The following DET1 variants were observed in gnomAD, a reference collection of about 807,000 sequenced individuals.
The protein encoded by DET1 is DET1 partner of COP1 E3 ubiquitin ligase.
Under a neutral mutation model 43.7 loss-of-function variants are expected in DET1, and 22 were observed. That is an observed-to-expected ratio of 0.50 (90% confidence interval 0.36 to 0.72). The LOEUF is 0.72. DET1 is among the 30% of genes least tolerant of loss of function. The pLI is 0.00. For synonymous variants in DET1, 315 were observed against 266.2 expected (o/e 1.18, Z -1.79); for missense variants, 713 against 713.3 (o/e 1.00, Z 0.00).
rs2056233528 is a variant in DET1 at position 88,512,994 on chromosome 15, GC to G, written c.1609del (p.Ala537LeufsTer45). ...CATATGGAAGTTGACAACATACTCAGCATTAGTCCTCTGCACAGAAATAGCG... is the reference window on the plus strand; with the variant it reads ...CATATGGAAGTTGACAACATACTCAGATTAGTCCTCTGCACAGAAATAGCG... The part of the protein sequence containing the change: ...PFAISVQRTN[A>X]EYVVNFHMRH... On this transcript the variant is annotated frameshift_variant, in exon 5 of 5. Coordinates refer to ENST00000268148, the MANE Select transcript of DET1 (RefSeq NM_001144074.3). LOFTEE classifies it high-confidence loss of function. 6.2e-7 allele frequency: 1 copy of G among 1,613,948 alleles called. No individual in the cohort carries two copies. Among genetic ancestry groups the G allele is most frequent in the African/African-American group, 1.3e-5 (1 of 74,950 alleles).
intron 3 of DET1, among the ~76,000 whole-genome samples, chr15:88,526,642 G>A (rs1252874096): frequency 6.6e-6 from 1 of 152,138 alleles, no homozygotes. Context: ...TCTGGGAAGG[G>A]GGATAGGACT....
At chr15:88,526,915 AC>A (rs1301256353) in intron 3 of DET1, among the ~76,000 whole-genome samples, 1 of 152,126 alleles carries the variant, frequency 6.6e-6, no homozygotes, top group Non-Finnish European at 1.5e-5. Context: ...CCTCACAGAT[AC>A]CTTCAGAAGT....
At chr15:88,536,937 T>C (rs2056968547) in intron 1 of DET1, among the ~76,000 whole-genome samples, 1 of 152,092 alleles carries the variant, frequency 6.6e-6, no homozygotes, top group South Asian at 2.1e-4. Context: ...AGAAAAAGAC[T>C]GGAAAGCAGG....
chr15:88,522,951 G>A (rs1163881413), intron 3 of DET1, among the ~76,000 whole-genome samples: 6 of 149,716 alleles, frequency 4.0e-5, no homozygotes, highest in Non-Finnish European at 5.9e-5. Context: ...GCTTGATCTC[G>A]GTTCACTGCA....
chr15:88,532,771 C>T (rs1417437694), intron 1 of DET1, among the ~76,000 whole-genome samples: 1 of 152,138 alleles, frequency 6.6e-6, no homozygotes, highest in East Asian at 1.9e-4. Context: ...CTATCTTACA[C>T]CCTATACAAA....
chr15:88,532,716 G>T (rs62023274), intron 1 of DET1, among the ~76,000 whole-genome samples: 23,336 of 152,194 alleles, frequency 0.15, 1,890 homozygotes, highest in South Asian at 0.28. Context: ...AACAAATGGT[G>T]TTGGGAAAAC....
Position 88,517,109 on chromosome 15 carries a change from A to G in DET1, c.1272-136T>C, listed in dbSNP as rs8023750. 189 of 646,662 alleles carry G rather than the reference A, an allele frequency of 2.9e-4. No homozygotes were observed. The African/African-American group carries it at 3.3e-3, about 11-fold the overall frequency. The allele number at this position is 646,662 out of a possible 1,614,324, so 40.1% of individuals were successfully genotyped here. On this transcript the variant is annotated intron_variant, in intron 3 of 4. Transcript: ENST00000268148. ...TAAAACCTAGGTAATGAATTAAGAT[A>G]GAACTGTCTCTCACACATTACAAGT...
At chr15:88,533,859 A>AAAAAAAG (rs2056880420) in intron 1 of DET1, among the ~76,000 whole-genome samples, 1 of 138,042 alleles carries the variant, frequency 7.2e-6, no homozygotes, top group Admixed American at 6.9e-5. Context: ...CTCTAAAAAA[A>AAAAAAAG]AAAAAAAAAA....
At chr15:88,533,012 T>A (rs576822538) in intron 1 of DET1, among the ~76,000 whole-genome samples, 16 of 152,278 alleles carry the variant, frequency 1.1e-4, no homozygotes, top group African/African-American at 3.9e-4. Context: ...TTCTACAGAA[T>A]GGAAGAAAAT....
chr15:88,539,631 G>T (rs955555235), intron 1 of DET1, among the ~76,000 whole-genome samples: 1 of 152,154 alleles, frequency 6.6e-6, no homozygotes, highest in Non-Finnish European at 1.5e-5. Context: ...ACTTCTTCAA[G>T]GTCCTTAGTG....
chr15:88,544,545 G>T (rs940762123), intron 1 of DET1, among the ~76,000 whole-genome samples: 1 of 152,132 alleles, frequency 6.6e-6, no homozygotes, highest in Non-Finnish European at 1.5e-5. Flanking sequence ...ACCAGACGGG[G>T]TCCTGCCATT....
intron 3 of DET1, among the ~76,000 whole-genome samples, chr15:88,526,378 C>T (rs1429599457): frequency 6.6e-6 from 1 of 152,220 alleles, no homozygotes; most frequent in Non-Finnish European, 1.5e-5. Flanking sequence ...CACTGTCTAA[C>T]TAAAGTAGGA....
downstream of DET1, among the ~76,000 whole-genome samples, chr15:88,510,874 C>T (rs1273962651): frequency 2.0e-5 from 3 of 151,098 alleles, no homozygotes; most frequent in African/African-American, 7.3e-5. Context: ...CCCGGGTTCA[C>T]GCCATTCTCC....
intron 1 of DET1, among the ~76,000 whole-genome samples, chr15:88,544,857 C>T (rs1019570464): frequency 2.0e-5 from 3 of 152,152 alleles, no homozygotes; most frequent in Non-Finnish European, 1.5e-5. Context: ...TTTATGTATA[C>T]TGTTCCCAAA....
intron 3 of DET1, 147 bp downstream of exon 3, chr15:88,527,452 G>T (rs991776022): frequency 4.5e-6 from 3 of 670,346 alleles, no homozygotes; most frequent in Non-Finnish European, 7.0e-6. Context: ...ACAGAAAGAA[G>T]TTCAGGAAGA....
At chr15:88,525,424 T>C (rs1437969518) in intron 3 of DET1, among the ~76,000 whole-genome samples, 1 of 152,254 alleles carries the variant, frequency 6.6e-6, no homozygotes, top group South Asian at 2.1e-4. Flanking sequence ...GAGCTTTCTG[T>C]AATTTTGTTT....
chr15:88,520,740 T>C (rs1198519589), intron 3 of DET1, among the ~76,000 whole-genome samples: 2 of 152,220 alleles, frequency 1.3e-5, no homozygotes, highest in South Asian at 2.1e-4. Context: ...ACCACTCTGA[T>C]CCAAGCCACC....
rs781251361 is a variant in DET1, at chr15:88,530,793, G to C, written c.913C>G (p.Arg305Gly). 6.2e-7 allele frequency: 1 copy of C among 1,613,896 alleles called. No homozygotes were observed. The highest frequency in any genetic ancestry group is 1.1e-5 in the South Asian group (1 of 91,074). ...GCACTACCATCCTGTTCTGCCCGGC[G>C]CCACAAATATACCAGCAACCGGTGT... ...LKHRLLVYLW[R>G]RAEQDGSAMA... The change falls in exon 2 of 5, where the codon CGC becomes GGC. Residue 305 changes from arginine to glycine, a missense_variant. Transcript: ENST00000268148.
At chr15:88,542,271 C>T (rs544788809) in intron 1 of DET1, among the ~76,000 whole-genome samples, 22 of 152,120 alleles carry the variant, frequency 1.4e-4, no homozygotes, top group Non-Finnish European at 2.4e-4. Context: ...TGGAGGAGGT[C>T]ATTCCCTCCA....
Sources: allele counts gnomAD v4.1 joint callset (sites outside exome capture counted in the v4.1 genomes callset), GRCh38; gene constraint gnomAD v4.1.1; transcripts MANE v1.5; gene names NCBI Gene and HGNC (gene_info 2026-07-23, HGNC 2026-07-21).